Variants in SLC6A5 observed in about 807,000 individuals in gnomAD.
The protein encoded by SLC6A5 is solute carrier family 6 member 5.
In SLC6A5, 58 loss-of-function variants were observed where a neutral mutation model predicts 90.5. The observed-to-expected ratio is 0.64, with a 90% CI of 0.52 to 0.80. The LOEUF is 0.80. SLC6A5 is among the 30% of genes least tolerant of loss of function. The pLI, the probability that SLC6A5 is intolerant of heterozygous loss-of-function variation, is 0.00. For synonymous variants in SLC6A5, 427 were observed against 401.4 expected, an observed-to-expected ratio of 1.06 and a Z score of -0.76; for missense variants, 1,015 against 1,017.6, an observed-to-expected ratio of 1.00 and a Z score of 0.03.
chr11:20,652,782 T>G (rs924585372), intron 15 of SLC6A5, among the ~76,000 whole-genome samples: 3 of 152,174 alleles, frequency 2.0e-5, no homozygotes, highest in Non-Finnish European at 2.9e-5. Context: ...ATCTCAGTGT[T>G]TTGTTTTTAA....
chr11:20,649,863 C>T (rs184167487), intron 14 of SLC6A5, among the ~76,000 whole-genome samples: 2 of 152,306 alleles, frequency 1.3e-5, no homozygotes, highest in East Asian at 3.9e-4. Context: ...AAGTTTATAA[C>T]TCTAGGGACA....
Position 20,601,599 on chromosome 11 carries a change from C to T in SLC6A5, c.474C>T (p.Thr158=). The change falls in exon 2 of 16, where the codon ACC becomes ACT. Residue 158 remains threonine (T), a synonymous_variant. Transcript: ENST00000525748. ...GCTGGGTGAACATGAGCCAGAGCAC[C>T]GTGGTGCTGGCCACGGATGGAATCA... The part of the protein sequence containing the change: ...VVGWVNMSQS[T]VVLATDGITS... The T allele has an allele frequency of 1.9e-6, 3 of 1,614,132 alleles. No homozygotes were observed. Among genetic ancestry groups the T allele is most frequent in the Non-Finnish European group, 2.5e-6 (3 of 1,179,968 alleles).
At chr11:20,644,438 A>G (rs2133816794) in intron 13 of SLC6A5, among the ~76,000 whole-genome samples, 1 of 152,332 alleles carries the variant, frequency 6.6e-6, no homozygotes, top group Non-Finnish European at 1.5e-5. Flanking sequence ...GCTGAATGGT[A>G]CGCCGTTGTG....
chr11:20,626,662 T>A, intron 7 of SLC6A5, 46 bp from the exon 8 acceptor site: 1 of 1,610,960 alleles, frequency 6.2e-7, no homozygotes, highest in Non-Finnish European at 8.5e-7. Context: ...ACAGGTGCAC[T>A]CTGCAGGGCT....
chr11:20,654,878 G>A lies in SLC6A5; in HGVS notation c.*10G>A, dbSNP rs1402985017. On this transcript the variant is annotated 3_prime_UTR_variant, in exon 16 of 16. Coordinates refer to ENST00000525748, the MANE Select transcript of SLC6A5 (RefSeq NM_004211.5). ...GGGCACTCAGTGCTAGTCCAGTGGTGTGGGATGGTCCAGACTTGATCCTGT... is the reference window on the plus strand; with the variant it reads ...GGGCACTCAGTGCTAGTCCAGTGGTATGGGATGGTCCAGACTTGATCCTGT... 29 of 1,613,820 alleles carry A rather than the reference G, an allele frequency of 1.8e-5. No individual in the cohort carries two copies. In the East Asian group the frequency reaches 4.7e-4, roughly 26 times the overall value.
Position 20,601,023 on chromosome 11 carries a change from A to G in SLC6A5, c.4-106A>G, listed in dbSNP as rs533564524. On this transcript the variant is annotated intron_variant, in intron 1 of 15. Transcript: ENST00000525748. ...AGTTCAGATTCCAATTTGCTTCCCC[A>G]GATATTGTGTCTGGACCTGAGTTGC... 1.2e-4 allele frequency: 137 copies of G among 1,139,926 alleles called. No individual in the cohort carries two copies. The African/African-American group carries it at 2.0e-3, about 17-fold the overall frequency. The allele number at this position is 1,139,926 out of a possible 1,614,324, so 70.6% of individuals were successfully genotyped here.
At chr11:20,605,954 G>T (rs918183833) in intron 3 of SLC6A5, among the ~76,000 whole-genome samples, 1 of 152,230 alleles carries the variant, frequency 6.6e-6, no homozygotes. Context: ...GGCAGGAAAG[G>T]CCCTGCCATC....
At position 20,610,752 on chromosome 11, in the gene SLC6A5, T is replaced by C. The variant is rs4922780; in HGVS notation, c.985+3100T>C. ...TGAATAGGAAGATATTTTTAGGCCCTGAAGTGGAGATTCTCAACCAGGGGA... is the reference window on the plus strand; with the variant it reads ...TGAATAGGAAGATATTTTTAGGCCCCGAAGTGGAGATTCTCAACCAGGGGA... On this transcript the variant is annotated intron_variant, in intron 5 of 15. Coordinates refer to ENST00000525748, the MANE Select transcript of SLC6A5 (RefSeq NM_004211.5). 0.029 allele frequency among the ~76,000 whole-genome samples: 4,480 copies of C among 152,268 alleles called. 480 individuals are homozygous for C. In the East Asian group the frequency reaches 0.36, roughly 12 times the overall value.
intron 10 of SLC6A5, among the ~76,000 whole-genome samples, chr11:20,632,998 G>T (rs955809758): frequency 1.3e-5 from 2 of 152,126 alleles, no homozygotes; most frequent in African/African-American, 4.8e-5. Context: ...TGGGATTGGT[G>T]AAGAGACCAA....
At chr11:20,634,324 G>A (rs1339441722) in intron 10 of SLC6A5, among the ~76,000 whole-genome samples, 2 of 152,184 alleles carry the variant, frequency 1.3e-5, no homozygotes, top group African/African-American at 4.8e-5. Context: ...AGATGACTCC[G>A]CTCCCCATCT....
chr11:20,610,064 T>A (rs947844204), intron 5 of SLC6A5, among the ~76,000 whole-genome samples: 1 of 152,256 alleles, frequency 6.6e-6, no homozygotes, highest in Non-Finnish European at 1.5e-5. Flanking sequence ...GGCTTCATTT[T>A]CATTACAACT....
At chr11:20,618,672 C>G (rs995838042) in intron 7 of SLC6A5, among the ~76,000 whole-genome samples, 37 of 152,138 alleles carry the variant, frequency 2.4e-4, no homozygotes, top group African/African-American at 8.9e-4. Context: ...TGCAGTGGCT[C>G]AGGCCTGTAA....
At chr11:20,642,985 C>G (rs987775983) in intron 13 of SLC6A5, among the ~76,000 whole-genome samples, 5 of 152,202 alleles carry the variant, frequency 3.3e-5, no homozygotes, top group African/African-American at 1.2e-4. Flanking sequence ...ATGATCCACC[C>G]CTTCCTACAG....
At chr11:20,654,301 A>G (rs186921702) in intron 15 of SLC6A5, among the ~76,000 whole-genome samples, 1 of 152,292 alleles carries the variant, frequency 6.6e-6, no homozygotes, top group African/African-American at 2.4e-5. Flanking sequence ...TCCACTGTTG[A>G]GACTACAGAA....
Position 20,608,944 on chromosome 11 carries a change from C to G in SLC6A5, c.985+1292C>G, listed in dbSNP as rs1399779763. On this transcript the variant is annotated intron_variant, in intron 5 of 15. Coordinates refer to ENST00000525748, the MANE Select transcript of SLC6A5 (RefSeq NM_004211.5). ...TCTGTCTCTCTCTCTCTCTCTCTCT[C>G]TCTCTCTCTCTCTCTGTGTGTGTGT... Among the ~76,000 whole-genome samples the G allele has an allele frequency of 5.8e-3, 685 of 118,790 alleles. 4 individuals are homozygous for G. The highest frequency in any genetic ancestry group is 0.017 in the East Asian group (78 of 4,520). The allele number at this position is 118,790 out of a possible 152,430, so 77.9% of individuals were successfully genotyped here.
At chr11:20,620,648 C>T (rs1355086127) in intron 7 of SLC6A5, among the ~76,000 whole-genome samples, 1 of 152,140 alleles carries the variant, frequency 6.6e-6, no homozygotes, top group Non-Finnish European at 1.5e-5. Context: ...ATTAGAAGCA[C>T]ATTGATTCCC....
At chr11:20,632,389 A>C (rs1291872648) in intron 10 of SLC6A5, among the ~76,000 whole-genome samples, 1 of 152,164 alleles carries the variant, frequency 6.6e-6, no homozygotes, top group Non-Finnish European at 1.5e-5. Flanking sequence ...TTCTGGGGAG[A>C]TATTGCAAAA....
chr11:20,640,585 G>T (rs1853293897), intron 13 of SLC6A5, among the ~76,000 whole-genome samples: 1 of 152,078 alleles, frequency 6.6e-6, no homozygotes, highest in African/African-American at 2.4e-5. Flanking sequence ...GGCTCAGGTT[G>T]AACCTGACTT....
intron 13 of SLC6A5, among the ~76,000 whole-genome samples, 183 bp downstream of exon 13, chr11:20,638,741 A>C (rs1271997945): frequency 1.3e-5 from 2 of 152,182 alleles, no homozygotes; most frequent in African/African-American, 4.8e-5. Context: ...TCCAAATTTA[A>C]TAGGGAAACA....
Sources: gnomAD v4.1 joint callset for allele counts (sites outside exome capture counted in the v4.1 genomes callset) on GRCh38, gnomAD v4.1.1 for gene constraint, MANE v1.5 for transcripts, NCBI Gene and HGNC (gene_info 2026-07-23, HGNC 2026-07-21) for gene names.